Variants in ARAP2 observed in about 807,000 individuals in gnomAD.
ARAP2 encodes arf-GAP with Rho-GAP domain, ANK repeat and PH domain-containing protein 2.
A neutral mutation model predicts 194.5 loss-of-function variants in ARAP2; 148 were observed. The ratio of observed to expected loss-of-function variants is 0.76; its 90% CI spans 0.67 to 0.87. The LOEUF (loss-of-function observed/expected upper bound fraction) is 0.87. ARAP2 is among the 40% of genes least tolerant of loss of function. The probability of loss-of-function intolerance (pLI) is 0.00; values close to 1 mark genes in which losing one functional copy is unlikely to be tolerated. For missense variants in ARAP2, 2,128 were observed against 1,989.7 expected, an observed-to-expected ratio of 1.07 and a Z score of -1.32; for synonymous variants, 695 against 683.5, an observed-to-expected ratio of 1.02 and a Z score of -0.26.
intron 2 of ARAP2, among the ~76,000 whole-genome samples, chr4:36,227,259 C>T (rs1020465913): frequency 1.3e-5 from 2 of 151,970 alleles, no homozygotes; most frequent in African/African-American, 4.8e-5. Context: ...AGGAGTGGCC[C>T]TTATATTAGA....
At chr4:36,218,667 T>C (rs542663134) in intron 2 of ARAP2, among the ~76,000 whole-genome samples, 20 of 152,300 alleles carry the variant, frequency 1.3e-4, no homozygotes, top group African/African-American at 4.6e-4. Flanking sequence ...AATATTTTTA[T>C]GTGTCCTAAG....
At chr4:36,153,495 G>C (rs1731496284) in intron 15 of ARAP2, among the ~76,000 whole-genome samples, 1 of 152,154 alleles carries the variant, frequency 6.6e-6, no homozygotes, top group Non-Finnish European at 1.5e-5. Flanking sequence ...TGACACTCAG[G>C]ACTTAGCTGT....
intron 27 of ARAP2, among the ~76,000 whole-genome samples, chr4:36,103,137 T>C (rs575234459): frequency 6.6e-6 from 1 of 151,822 alleles, no homozygotes; most frequent in Non-Finnish European, 1.5e-5. Flanking sequence ...CTGAATTTAC[T>C]TGAAGCAGTT....
At chr4:36,145,033 A>G (rs1384767268) in intron 19 of ARAP2, among the ~76,000 whole-genome samples, 1 of 152,000 alleles carries the variant, frequency 6.6e-6, no homozygotes, top group African/African-American at 2.4e-5. Context: ...ACCATACTGA[A>G]CCAGTGTAAT....
At chr4:36,206,997 T>C (rs1745672362) in intron 6 of ARAP2, among the ~76,000 whole-genome samples, 1 of 152,248 alleles carries the variant, frequency 6.6e-6, no homozygotes, top group Non-Finnish European at 1.5e-5. Flanking sequence ...CAAACATCCT[T>C]AGAAAATAGT....
chr4:36,229,248 A>G lies in ARAP2; in HGVS notation c.239T>C (p.Val80Ala). ...KMQDIPIYAN[V>A]HKTKKNDDPS... The stretch of plus-strand genomic sequence containing the variant: ...GTCATCATTCTTCTTAGTTTTATGA[A>G]CATTTGCATATATTGGAATATCTTG... The change falls in exon 2 of 33, where the codon GTT (valine) becomes GCT (alanine). Residue 80 changes from valine (V) to alanine (A), a missense_variant. Transcript: ENST00000303965. The G allele has an allele frequency of 6.2e-7, 1 of 1,614,040 alleles. No individual in the cohort carries two copies. The highest frequency in any genetic ancestry group is 8.5e-7 in the Non-Finnish European group (1 of 1,179,950).
chr4:36,199,044 G>A (rs1259277602), intron 6 of ARAP2, among the ~76,000 whole-genome samples: 1 of 152,332 alleles, frequency 6.6e-6, no homozygotes, highest in African/African-American at 2.4e-5. Context: ...AGCTGCACCC[G>A]AGGAGCTCCC....
chr4:36,225,874 T>C (rs1469224773), intron 2 of ARAP2, among the ~76,000 whole-genome samples: 1 of 152,180 alleles, frequency 6.6e-6, no homozygotes, highest in African/African-American at 2.4e-5. Flanking sequence ...ATTTGCAGGT[T>C]CAATATCAAT....
At chr4:36,076,533 GT>G (rs927430428) in intron 31 of ARAP2, among the ~76,000 whole-genome samples, 9 of 150,674 alleles carry the variant, frequency 6.0e-5, no homozygotes, top group African/African-American at 1.9e-4. Flanking sequence ...TGCTTTTGCT[GT>G]TTTTTTTTCT....
rs150820169 is a variant in ARAP2, at chr4:36,147,826, T to C, written c.3001-80A>G. The C allele has an allele frequency of 1.3e-4, 149 of 1,151,504 alleles. No individual in the cohort carries two copies. The African/African-American group carries it at 2.2e-3, about 17-fold the overall frequency. The allele number at this position is 1,151,504 out of a possible 1,614,324, so 71.3% of individuals were successfully genotyped here. A position where few individuals can be genotyped will look rare whatever the true frequency, so the allele number is the denominator to read the frequency against. On this transcript the variant is annotated intron_variant, in intron 17 of 32. Coordinates refer to ENST00000303965, the MANE Select transcript of ARAP2 (RefSeq NM_015230.4). ...CCCTATCTACTGATATGAGAGAAGG[T>C]AGACAAATTATCTTAGTTTTTCAAT...
At chr4:36,039,664 A>G (rs1003687783) in intron 5 of ARAP2, among the ~76,000 whole-genome samples, 2 of 152,274 alleles carry the variant, frequency 1.3e-5, no homozygotes, top group African/African-American at 4.8e-5. Context: ...CCTTCCCATT[A>G]AAACGATCTC....
In ARAP2 at chr4:36,181,591, T is replaced by A. The variant is rs187686056; in HGVS notation, c.1679-3586A>T. Among the ~76,000 whole-genome samples the A allele has an allele frequency of 7.1e-4, 108 of 152,346 alleles. 1 individual carries two copies. The highest frequency in any genetic ancestry group is 1.7e-3 in the Admixed American group (26 of 15,298). ...CTTTACTTCTGATATGTTAATATGA[T>A]CTGACTAAAGTTCCCTCAATGAAAT... On this transcript the variant is annotated intron_variant, in intron 8 of 32. Coordinates refer to ENST00000303965, the MANE Select transcript of ARAP2 (RefSeq NM_015230.4).
intron 31 of ARAP2, among the ~76,000 whole-genome samples, chr4:36,076,343 T>C (rs1433157105): frequency 1.3e-5 from 2 of 152,104 alleles, no homozygotes; most frequent in East Asian, 1.9e-4. Context: ...TTCTTCCTGA[T>C]TGGATTGTCT....
At chr4:36,136,477 A>T (rs1413587452) in intron 19 of ARAP2, among the ~76,000 whole-genome samples, 1 of 151,836 alleles carries the variant, frequency 6.6e-6, no homozygotes, top group Non-Finnish European at 1.5e-5. Context: ...CAATATAATA[A>T]CCATGAAGCA....
At chr4:36,222,490 A>C (rs1287914108) in intron 2 of ARAP2, among the ~76,000 whole-genome samples, 1 of 151,904 alleles carries the variant, frequency 6.6e-6, no homozygotes, top group Non-Finnish European at 1.5e-5. Context: ...TAATGTGGAA[A>C]AATCACAAAA....
chr4:36,007,938 T>G (rs966416326), intron 9 of ARAP2, among the ~76,000 whole-genome samples: 2 of 152,074 alleles, frequency 1.3e-5, no homozygotes, highest in Non-Finnish European at 2.9e-5. Flanking sequence ...GCAATCTCTT[T>G]CATAATTGCC....
chr4:36,083,243 T>C, intron 29 of ARAP2, 125 bp downstream of exon 29: 1 of 719,086 alleles, frequency 1.4e-6, no homozygotes, highest in Non-Finnish European at 2.3e-6. Context: ...GGGAAGCAAC[T>C]TAAAAAAAAT....
chr4:36,214,764 T>A (rs1016804267), intron 2 of ARAP2, among the ~76,000 whole-genome samples: 1 of 152,238 alleles, frequency 6.6e-6, no homozygotes, highest in Non-Finnish European at 1.5e-5. Flanking sequence ...AAGTGTTTGC[T>A]ACTCACATCT....
At chr4:36,150,030 A>G (rs1730588841) in intron 16 of ARAP2, among the ~76,000 whole-genome samples, 1 of 152,212 alleles carries the variant, frequency 6.6e-6, no homozygotes, top group East Asian at 1.9e-4. Flanking sequence ...GCCTGCTTTT[A>G]AAGTCCTGAC....
Sources: gnomAD v4.1 joint callset for allele counts (sites outside exome capture counted in the v4.1 genomes callset) on GRCh38, gnomAD v4.1.1 for gene constraint, MANE v1.5 for transcripts, NCBI Gene and HGNC (gene_info 2026-07-23, HGNC 2026-07-21) for gene names.